PPFIA2: variants seen among roughly 807,000 people sequenced by gnomAD.
PPFIA2 encodes PPFI scaffold protein A2.
In PPFIA2, 46 loss-of-function variants were observed where a neutral mutation model predicts 175.5. The ratio of observed to expected loss-of-function variants is 0.26; its 90% CI spans 0.21 to 0.34. PPFIA2 has a LOEUF of 0.34. Among genes scored for constraint, PPFIA2 ranks in the 10% least tolerant of loss-of-function variants. PPFIA2 has a pLI of 1.00. For synonymous variants in PPFIA2, 568 were observed against 511.4 expected (o/e 1.11, Z -1.49); for missense variants, 1,179 against 1,506.1 (o/e 0.78, Z 3.60).
intron 23 of PPFIA2, among the ~76,000 whole-genome samples, chr12:81,297,487 C>G (rs967708686): frequency 6.6e-6 from 1 of 152,076 alleles, no homozygotes; most frequent in Non-Finnish European, 1.5e-5. Context: ...AGGGGAAGAT[C>G]TAAGTACAAT....
chr12:81,697,468 G>A (rs1033286290), intron 3 of PPFIA2, among the ~76,000 whole-genome samples: 1 of 151,974 alleles, frequency 6.6e-6, no homozygotes, highest in African/African-American at 2.4e-5. Flanking sequence ...TGGAAATTAA[G>A]TAAGTCACAT....
At chr12:81,684,430 T>A (rs1346368885) in intron 3 of PPFIA2, among the ~76,000 whole-genome samples, 2 of 152,084 alleles carry the variant, frequency 1.3e-5, no homozygotes, top group Non-Finnish European at 2.9e-5. Context: ...ATACCTATCA[T>A]CAGCCTATAG....
At chr12:81,752,226 A>T (rs1222804216) in intron 3 of PPFIA2, among the ~76,000 whole-genome samples, 1 of 152,166 alleles carries the variant, frequency 6.6e-6, no homozygotes, top group Non-Finnish European at 1.5e-5. Flanking sequence ...CTAATGAAAC[A>T]CTGTATCCAG....
At chr12:81,401,689 A>T (rs1019978002) in intron 8 of PPFIA2, among the ~76,000 whole-genome samples, 1 of 152,172 alleles carries the variant, frequency 6.6e-6, no homozygotes, top group South Asian at 2.1e-4. Flanking sequence ...AGCTGAAAAA[A>T]TAATTAGAAG....
In PPFIA2 at chr12:81,405,844, T is replaced by A. The variant is rs752479932; in HGVS notation, c.705A>T (p.Gly235=). 1.7e-5 allele frequency: 27 copies of A among 1,582,412 alleles called. No individual in the cohort carries two copies. The highest frequency in any genetic ancestry group is 2.2e-5 in the Non-Finnish European group (25 of 1,162,300). ...HIQRKMASSE[G]STESEHLEGM... ...CTTCAAGATGTTCTGACTCTGTGGA[T>A]CCCTCGCTTGATGCCATTTTTCTTT... Residue 235 remains glycine (G), a synonymous_variant, in exon 8 of 33, where the codon GGA becomes GGT. Transcript: ENST00000549396.
At chr12:81,411,095 T>C (rs1424196434) in intron 7 of PPFIA2, among the ~76,000 whole-genome samples, 1 of 152,088 alleles carries the variant, frequency 6.6e-6, no homozygotes, top group African/African-American at 2.4e-5. Flanking sequence ...ATACAGAGTA[T>C]GCAATACCTA....
intron 28 of PPFIA2, among the ~76,000 whole-genome samples, chr12:81,268,467 G>A (rs1487334794): frequency 1.3e-5 from 2 of 152,158 alleles, no homozygotes; most frequent in Non-Finnish European, 1.5e-5. Flanking sequence ...ACCACTGGCT[G>A]AAATGAGCCA....
intron 4 of PPFIA2, among the ~76,000 whole-genome samples, chr12:81,623,660 A>C (rs2153484549): frequency 6.6e-6 from 1 of 152,068 alleles, no homozygotes; most frequent in Admixed American, 6.6e-5. Context: ...AGTTCCTTAA[A>C]CCAGACACTT....
intron 22 of PPFIA2, among the ~76,000 whole-genome samples, chr12:81,313,104 T>C (rs1381640378): frequency 2.0e-5 from 3 of 152,154 alleles, no homozygotes; most frequent in African/African-American, 7.2e-5. Context: ...TTGATACACA[T>C]ATAGCTTTTG....
chr12:81,404,327 T>A (rs1201969870), intron 8 of PPFIA2, among the ~76,000 whole-genome samples: 1 of 152,178 alleles, frequency 6.6e-6, no homozygotes, highest in Non-Finnish European at 1.5e-5. Flanking sequence ...TGAAAAAGAC[T>A]AGATGACCAT....
In PPFIA2 at chr12:81,351,752, A is replaced by G. The variant is rs549888058; in HGVS notation, c.1994+1367T>C. Among the ~76,000 whole-genome samples the G allele has an allele frequency of 2.0e-5, 3 of 151,320 alleles. No individual in the cohort carries two copies. The South Asian group carries it at 6.3e-4, about 32-fold the overall frequency. Reference sequence around the variant, plus strand: ...CTACAAAAAATTAAAAAAAAAAAAAAAAAAAAGACAGGCATGGTGGCACAT... The same window carrying G: ...CTACAAAAAATTAAAAAAAAAAAAAGAAAAAAGACAGGCATGGTGGCACAT... On this transcript the variant is annotated intron_variant, in intron 17 of 32. Coordinates refer to ENST00000549396, the MANE Select transcript of PPFIA2 (RefSeq NM_003625.5).
chr12:81,477,731 C>G (rs2057660464), intron 4 of PPFIA2, among the ~76,000 whole-genome samples: 1 of 152,142 alleles, frequency 6.6e-6, no homozygotes, highest in South Asian at 2.1e-4. Flanking sequence ...GTTGAACCAG[C>G]CTTGCATCCT....
In PPFIA2 at chr12:81,283,051, G is replaced by A; in HGVS notation, c.2989-12C>T. 1 of 1,611,230 alleles carries A rather than the reference G, an allele frequency of 6.2e-7. No homozygotes were observed. Among genetic ancestry groups the A allele is most frequent in the Non-Finnish European group, 8.5e-7 (1 of 1,178,156 alleles). On this transcript the variant is annotated splice_polypyrimidine_tract_variant and intron_variant, in intron 25 of 32. Transcript: ENST00000549396. ...TCCTCAGATTCTTTCTGTGTTAGCA[G>A]CAGGAAATGATTAATAAAGCAGGTA...
chr12:81,605,621 G>T (rs1034197367), intron 4 of PPFIA2, among the ~76,000 whole-genome samples: 2 of 150,482 alleles, frequency 1.3e-5, no homozygotes, highest in Non-Finnish European at 3.0e-5. Context: ...AATATCACTA[G>T]CCTGTCTGTC....
At chr12:81,531,686 T>C (rs527498577) in intron 4 of PPFIA2, among the ~76,000 whole-genome samples, 6 of 151,454 alleles carry the variant, frequency 4.0e-5, no homozygotes, top group Admixed American at 6.6e-5. Context: ...ACCAGGAACA[T>C]TGTAGAATAT....
In PPFIA2 at chr12:81,749,872, T is replaced by C. The variant is rs1171377899; in HGVS notation, c.249+4101A>G. Among the ~76,000 whole-genome samples, 2 of 143,926 alleles carry C rather than the reference T, an allele frequency of 1.4e-5. 1 individual carries two copies. The highest frequency in any genetic ancestry group is 3.1e-5 in the Non-Finnish European group (2 of 64,212). The allele number at this position is 143,926 out of a possible 152,430, so 94.4% of individuals were successfully genotyped here. ...AAATCTGATCTTCCTATTTCAAGTT[T>C]ATTGTTCTTTCTACATCAAAATGCA... On this transcript the variant is annotated intron_variant, in intron 3 of 32. Coordinates refer to ENST00000549396, the MANE Select transcript of PPFIA2 (RefSeq NM_003625.5).
At chr12:81,659,635 A>C (rs1478028841) in intron 4 of PPFIA2, among the ~76,000 whole-genome samples, 2 of 152,154 alleles carry the variant, frequency 1.3e-5, no homozygotes, top group Non-Finnish European at 2.9e-5. Context: ...GGGGGCAAGG[A>C]ATAGCCAAAC....
At chr12:81,654,931 C>G (rs996003791) in intron 4 of PPFIA2, among the ~76,000 whole-genome samples, 1 of 151,954 alleles carries the variant, frequency 6.6e-6, no homozygotes, top group Non-Finnish European at 1.5e-5. Context: ...ACTGGTGAAG[C>G]CATTTGGTCC....
At position 81,721,446 on chromosome 12, in the gene PPFIA2, C is replaced by T. The variant is rs192982924; in HGVS notation, c.249+32527G>A. On this transcript the variant is annotated intron_variant, in intron 3 of 32. Coordinates refer to ENST00000549396, the MANE Select transcript of PPFIA2 (RefSeq NM_003625.5). ...ATTCCATTAACACCTAATACACACA[C>T]ACATAAACACACACACACACACACA... Among the ~76,000 whole-genome samples, 243 of 147,440 alleles carry T rather than the reference C, an allele frequency of 1.6e-3. 1 individual carries two copies. The highest frequency in any genetic ancestry group is 5.7e-3 in the African/African-American group (234 of 40,978).
Sources: gnomAD v4.1 joint callset for allele counts (sites outside exome capture counted in the v4.1 genomes callset) on GRCh38, gnomAD v4.1.1 for gene constraint, MANE v1.5 for transcripts, NCBI Gene and HGNC (gene_info 2026-07-23, HGNC 2026-07-21) for gene names.